The following COPS2 variants were observed in gnomAD, a reference collection of about 807,000 sequenced individuals.
COPS2 encodes COP9 signalosome complex subunit 2.
Under a neutral mutation model 66.1 loss-of-function variants are expected in COPS2, and 10 were observed. That is an observed-to-expected ratio of 0.15 (90% CI 0.09 to 0.26). COPS2 has a LOEUF of 0.26. Among genes scored for constraint, COPS2 ranks in the 10% least tolerant of loss-of-function variants. COPS2 has a pLI of 1.00. For synonymous variants in COPS2, 179 were observed against 171.3 expected (o/e 1.04, Z -0.35); for missense variants, 215 against 513.3 (o/e 0.42, Z 5.62).
chr15:49,144,766 C>T (rs1163924694), intron 2 of COPS2, among the ~76,000 whole-genome samples, 199 bp downstream of exon 2: 1 of 152,128 alleles, frequency 6.6e-6, no homozygotes, highest in Admixed American at 6.5e-5. Flanking sequence ...AGGACAATGG[C>T]CCTGCTCCAT....
intron 9 of COPS2, among the ~76,000 whole-genome samples, chr15:49,133,039 A>C (rs1595820302): frequency 7.4e-6 from 1 of 136,030 alleles, no homozygotes; most frequent in African/African-American, 2.8e-5. Context: ...CCCAGGCTGG[A>C]GTTCTGTGGC....
Position 49,124,541 on chromosome 15 carries a change from G to A in COPS2, c.*3409C>T, listed in dbSNP as rs1185698873. On this transcript the variant is annotated 3_prime_UTR_variant, in exon 13 of 13. Coordinates refer to ENST00000388901, the MANE Select transcript of COPS2 (RefSeq NM_004236.4). ...GTGGTCACATAAATGAAGACCAAATGCCTTTTGCGTCACATTCTGAAACCT... is the reference window on the plus strand; with the variant it reads ...GTGGTCACATAAATGAAGACCAAATACCTTTTGCGTCACATTCTGAAACCT... 2 of 152,088 alleles carry A rather than the reference G, an allele frequency of 1.3e-5. No individual in the cohort carries two copies. Among genetic ancestry groups the A allele is most frequent in the Admixed American group, 1.3e-4 (2 of 15,264 alleles). The allele number at this position is 152,088 out of a possible 1,614,324, so 9.4% of individuals were successfully genotyped here. A position where few individuals can be genotyped will look rare whatever the true frequency, so the allele number is the denominator to read the frequency against.
Position 49,145,095 on chromosome 15 carries a change from G to A in COPS2, c.55-17C>T. ...AGAGTATTCCTGTGTTGGAAAGAAA[G>A]AAATATTAAAAGAAAAAAAGAAAAG... On this transcript the variant is annotated splice_polypyrimidine_tract_variant and intron_variant, in intron 1 of 12. Transcript: ENST00000388901. The A allele has an allele frequency of 3.8e-6, 5 of 1,325,254 alleles. No homozygotes were observed. Among genetic ancestry groups the A allele is most frequent in the Non-Finnish European group, 4.2e-6 (4 of 961,902 alleles). 82.1% of individuals were successfully genotyped at this position (1,325,254 alleles called of 1,614,324 possible).
chr15:49,137,725 A>G (rs916627795), intron 4 of COPS2: 1 of 267,862 alleles, frequency 3.7e-6, no homozygotes, highest in Admixed American at 5.0e-5. Context: ...TGTCCTTCCC[A>G]ATCTAATAAT....
At chr15:49,136,424 C>T (rs959486679) in intron 6 of COPS2, among the ~76,000 whole-genome samples, 2 of 152,260 alleles carry the variant, frequency 1.3e-5, no homozygotes, top group Non-Finnish European at 2.9e-5. Context: ...GTACCTCTGT[C>T]ACAATAGCCA....
At chr15:49,153,846 G>GT (rs763015486) in intron 1 of COPS2, among the ~76,000 whole-genome samples, 17 of 152,260 alleles carry the variant, frequency 1.1e-4, no homozygotes, top group Admixed American at 9.8e-4. Context: ...TGATTTCACG[G>GT]TGGTAGAGAG....
At chr15:49,139,724 A>G in intron 3 of COPS2, 71 bp from the exon 4 acceptor site, 1 of 1,143,368 alleles carries the variant, frequency 8.7e-7, no homozygotes, top group South Asian at 1.5e-5. Context: ...GATTAAGGTT[A>G]TAGAATACAC....
chr15:49,154,995 G>A (rs564946436), intron 1 of COPS2, among the ~76,000 whole-genome samples: 27 of 152,258 alleles, frequency 1.8e-4, no homozygotes, highest in African/African-American at 6.5e-4. Flanking sequence ...ACCAAAACTG[G>A]CCCTGGCAAG....
intron 2 of COPS2, 33 bp from the exon 3 acceptor site, chr15:49,144,337 A>G: frequency 8.0e-7 from 1 of 1,243,130 alleles, no homozygotes; most frequent in Non-Finnish European, 1.2e-6. Context: ...AGTTTATCTT[A>G]ATATTAACAC....
In COPS2 at chr15:49,150,273, T is replaced by A. The variant is rs28709610; in HGVS notation, c.55-5195A>T. On this transcript the variant is annotated intron_variant, in intron 1 of 12. Coordinates refer to ENST00000388901, the MANE Select transcript of COPS2 (RefSeq NM_004236.4). ...AAAAAAAAAAAAAAATAAATAAAAATAAAAAAATAAATAAATAAATAAAAC... is the reference window on the plus strand; with the variant it reads ...AAAAAAAAAAAAAAATAAATAAAAAAAAAAAAATAAATAAATAAATAAAAC... 7.4e-4 allele frequency among the ~76,000 whole-genome samples: 111 copies of A among 149,784 alleles called. No homozygotes were observed. In the East Asian group the frequency reaches 0.017, roughly 22 times the overall value.
chr15:49,149,740 A>C (rs941714770), intron 1 of COPS2, among the ~76,000 whole-genome samples: 1 of 152,174 alleles, frequency 6.6e-6, no homozygotes, highest in Non-Finnish European at 1.5e-5. Flanking sequence ...AGAAGTCCTA[A>C]GAAATGTACT....
At chr15:49,128,287 T>C (rs2084183963) in intron 12 of COPS2, among the ~76,000 whole-genome samples, 193 bp from the exon 13 acceptor site, 1 of 152,204 alleles carries the variant, frequency 6.6e-6, no homozygotes, top group African/African-American at 2.4e-5. Context: ...CAGATACTTT[T>C]CATCAGTTTC....
Position 49,131,741 on chromosome 15 carries a change from T to C in COPS2, c.948-925A>G, listed in dbSNP as rs61051232. The stretch of plus-strand genomic sequence containing the variant: ...TGCTGTAATATACTATAGGAGGACA[T>C]ATTCAAGCATTGAAAACACTTGCAC... On this transcript the variant is annotated intron_variant, in intron 9 of 12. Coordinates refer to ENST00000388901, the MANE Select transcript of COPS2 (RefSeq NM_004236.4). Among the ~76,000 whole-genome samples, 12 of 152,284 alleles carry C rather than the reference T, an allele frequency of 7.9e-5. No individual in the cohort carries two copies. In the East Asian group the frequency reaches 2.3e-3, roughly 29 times the overall value.
At chr15:49,145,214 A>G (rs1312144549) in intron 1 of COPS2, 136 bp from the exon 2 acceptor site, 2 of 483,984 alleles carry the variant, frequency 4.1e-6, no homozygotes, top group African/African-American at 2.0e-5. Flanking sequence ...ACATACGTAA[A>G]ATGCCACTGA....
chr15:49,136,987 T>C (rs1238344990), intron 6 of COPS2, among the ~76,000 whole-genome samples, 163 bp downstream of exon 6: 2 of 146,428 alleles, frequency 1.4e-5, no homozygotes, highest in Non-Finnish European at 3.1e-5. Flanking sequence ...CCATACCCTC[T>C]CTCTCAAAAA....
At chr15:49,154,328 T>C (rs1465393373) in intron 1 of COPS2, among the ~76,000 whole-genome samples, 1 of 152,200 alleles carries the variant, frequency 6.6e-6, no homozygotes, top group East Asian at 1.9e-4. Flanking sequence ...GTAGAAACCA[T>C]AACTATTAGC....
At chr15:49,145,882 ATTATC>A (rs1410643380) in intron 1 of COPS2, among the ~76,000 whole-genome samples, 1 of 152,174 alleles carries the variant, frequency 6.6e-6, no homozygotes, top group Non-Finnish European at 1.5e-5. Context: ...AATGGAAATT[ATTATC>A]TTATGAGTCA....
chr15:49,150,435 TGGCAATC>T (rs1203977611), intron 1 of COPS2, among the ~76,000 whole-genome samples: 2 of 152,128 alleles, frequency 1.3e-5, no homozygotes, highest in South Asian at 2.1e-4. Context: ...TACATAGCAC[TGGCAATC>T]GACCATCATC....
rs2084139978 is a variant in COPS2, at chr15:49,123,417, G to C, written c.*4533C>G. 6.6e-6 allele frequency: 1 copy of C among 152,146 alleles called. No individual in the cohort carries two copies. The highest frequency in any genetic ancestry group is 1.5e-5 in the Non-Finnish European group (1 of 68,010). The allele number at this position is 152,146 out of a possible 1,614,324, so 9.4% of individuals were successfully genotyped here. ...TAACACGCAAGTTACTGGTACACTG[G>C]TAATTCTTTTCATGGCATATGACAT... On this transcript the variant is annotated 3_prime_UTR_variant, in exon 13 of 13. Coordinates refer to ENST00000388901, the MANE Select transcript of COPS2 (RefSeq NM_004236.4).
Sources: gnomAD v4.1 joint callset for allele counts (sites outside exome capture counted in the v4.1 genomes callset) on GRCh38, gnomAD v4.1.1 for gene constraint, MANE v1.5 for transcripts, NCBI Gene and HGNC (gene_info 2026-07-23, HGNC 2026-07-21) for gene names.